ANKS1A: variants seen among roughly 807,000 people sequenced by gnomAD.
ANKS1A encodes ankyrin repeat and SAM domain-containing protein 1A.
In ANKS1A, 55 loss-of-function variants were observed where a neutral mutation model predicts 120.3. The observed-to-expected ratio is 0.46, with a 90% CI of 0.37 to 0.57. ANKS1A has a LOEUF of 0.57. Ranked by LOEUF, ANKS1A falls within the 20% of genes least tolerant of loss-of-function variation. The pLI, the probability that ANKS1A is intolerant of heterozygous loss-of-function variation, is 0.00. For missense variants in ANKS1A, 1,123 were observed against 1,480.3 expected (o/e 0.76, Z 3.96); for synonymous variants, 590 against 604.7 (o/e 0.98, Z 0.36).
intron 2 of ANKS1A, among the ~76,000 whole-genome samples, chr6:34,968,706 G>T (rs1468314048): frequency 6.6e-6 from 1 of 151,976 alleles, no homozygotes; most frequent in Non-Finnish European, 1.5e-5. Context: ...CCAAAGAGCT[G>T]GGATTACAGG....
At chr6:35,026,886 C>T (rs1273813748) in intron 11 of ANKS1A, among the ~76,000 whole-genome samples, 11 of 152,028 alleles carry the variant, frequency 7.2e-5, no homozygotes, top group Non-Finnish European at 1.6e-4. Context: ...TGGGTGCATG[C>T]TTTTAAACAT....
chr6:35,092,629 A>G, downstream of ANKS1A, among the ~76,000 whole-genome samples: 1 of 152,092 alleles, frequency 6.6e-6, no homozygotes, highest in East Asian at 1.9e-4. Context: ...AGCAGAAGAA[A>G]CCTGACAGCC....
At chr6:35,070,042 AAG>A (rs1554158285) in intron 13 of ANKS1A, among the ~76,000 whole-genome samples, 9 of 150,594 alleles carry the variant, frequency 6.0e-5, no homozygotes, top group African/African-American at 2.2e-4. Context: ...AAAAAAAAAA[AAG>A]AGACTGGGTG....
At chr6:35,029,758 T>C (rs1020183351) in intron 11 of ANKS1A, among the ~76,000 whole-genome samples, 17 of 148,370 alleles carry the variant, frequency 1.1e-4, no homozygotes, top group Admixed American at 4.1e-4. Context: ...CATATACATA[T>C]ATAATTACAT....
chr6:35,027,346 G>A (rs1199819946), intron 11 of ANKS1A, among the ~76,000 whole-genome samples: 1 of 152,150 alleles, frequency 6.6e-6, no homozygotes, highest in Non-Finnish European at 1.5e-5. Context: ...CAGGCCCATA[G>A]GTAATTACAA....
intron 1 of ANKS1A, among the ~76,000 whole-genome samples, chr6:34,959,649 T>C (rs1770536813): frequency 6.6e-6 from 1 of 152,158 alleles, no homozygotes; most frequent in Non-Finnish European, 1.5e-5. Context: ...CAGGGGACAT[T>C]TGAGTTGGGC....
At chr6:34,983,269 G>A (rs928249955) in intron 6 of ANKS1A, 55 bp downstream of exon 6, 4 of 1,610,066 alleles carry the variant, frequency 2.5e-6, no homozygotes, top group South Asian at 1.1e-5. Context: ...TTGAACCAAG[G>A]CATTTGTATT....
chr6:34,979,892 G>T (rs187277777), intron 3 of ANKS1A, among the ~76,000 whole-genome samples: 9 of 152,280 alleles, frequency 5.9e-5, no homozygotes, highest in Admixed American at 2.0e-4. Context: ...GAAAGATCCT[G>T]TGAGTTTTTG....
At chr6:35,080,780 C>T (rs901218222) in intron 16 of ANKS1A, among the ~76,000 whole-genome samples, 8 of 152,048 alleles carry the variant, frequency 5.3e-5, no homozygotes, top group African/African-American at 1.9e-4. Context: ...TTTATAAATG[C>T]AAAAGTGGCT....
chr6:35,054,941 G>C (rs1776132749), intron 12 of ANKS1A, among the ~76,000 whole-genome samples: 3 of 152,338 alleles, frequency 2.0e-5, no homozygotes, highest in African/African-American at 7.2e-5. Flanking sequence ...CCAGCTGGGA[G>C]CCTGGCCTGT....
At chr6:35,005,325 GCAA>G (rs1773393467) in intron 10 of ANKS1A, among the ~76,000 whole-genome samples, 1 of 152,140 alleles carries the variant, frequency 6.6e-6, no homozygotes, top group Non-Finnish European at 1.5e-5. Context: ...TTGAAACTGA[GCAA>G]CTTACCTTAT....
chr6:35,003,337 G>A (rs947487504), intron 10 of ANKS1A, among the ~76,000 whole-genome samples: 6 of 152,022 alleles, frequency 3.9e-5, no homozygotes, highest in Non-Finnish European at 5.9e-5. Context: ...ATTCTGGCCC[G>A]GCAAGAAACT....
intron 13 of ANKS1A, among the ~76,000 whole-genome samples, chr6:35,065,243 G>A (rs13328251): frequency 0.021 from 3,084 of 149,722 alleles, 96 homozygotes; most frequent in African/African-American, 0.07. Flanking sequence ...TGCAGCGCAG[G>A]CATTCCAGGT....
chr6:34,963,479 T>G (rs1331472690), intron 1 of ANKS1A, among the ~76,000 whole-genome samples: 1 of 152,228 alleles, frequency 6.6e-6, no homozygotes, highest in Non-Finnish European at 1.5e-5. Context: ...GGAAAGTATG[T>G]CATTGTTTAT....
intron 1 of ANKS1A, among the ~76,000 whole-genome samples, chr6:34,957,949 A>G (rs756718584): frequency 5.9e-5 from 9 of 152,232 alleles, no homozygotes; most frequent in Non-Finnish European, 1.3e-4. Flanking sequence ...CCTTCTTGAT[A>G]GTATGCTTGT....
At chr6:35,055,026 A>T (rs1273338044) in intron 12 of ANKS1A, among the ~76,000 whole-genome samples, 1 of 152,212 alleles carries the variant, frequency 6.6e-6, no homozygotes, top group Non-Finnish European at 1.5e-5. Flanking sequence ...TCCATCCAGG[A>T]TTGACCTGTC....
intron 11 of ANKS1A, among the ~76,000 whole-genome samples, chr6:35,043,895 G>A (rs1339525830): frequency 6.6e-6 from 1 of 152,166 alleles, no homozygotes; most frequent in Non-Finnish European, 1.5e-5. Flanking sequence ...AGCAATCTGA[G>A]TATAGATTTC....
chr6:34,909,290 A>G (rs1325495251), intron 1 of ANKS1A, among the ~76,000 whole-genome samples: 2 of 152,240 alleles, frequency 1.3e-5, no homozygotes, highest in African/African-American at 2.4e-5. Context: ...CTGGGCTTAT[A>G]TAACTTGTCT....
At chr6:35,015,013 A>C (rs1773930344) in intron 10 of ANKS1A, among the ~76,000 whole-genome samples, 1 of 152,186 alleles carries the variant, frequency 6.6e-6, no homozygotes, top group Non-Finnish European at 1.5e-5. Flanking sequence ...TAATATTCGT[A>C]GCCATGAGTC....
Sources: gnomAD v4.1 joint callset for allele counts (sites outside exome capture counted in the v4.1 genomes callset) on GRCh38, gnomAD v4.1.1 for gene constraint, MANE v1.5 for transcripts, NCBI Gene and HGNC (gene_info 2026-07-23, HGNC 2026-07-21) for gene names.